The following KIDINS220 variants were observed in gnomAD, a reference collection of about 807,000 sequenced individuals.
The protein encoded by KIDINS220 is kinase D-interacting substrate of 220 kDa.
In KIDINS220, 63 loss-of-function variants were observed where a neutral mutation model predicts 157.6. The ratio of observed to expected loss-of-function variants is 0.40; its 90% CI spans 0.33 to 0.49. KIDINS220 has a LOEUF of 0.49. Ranked by LOEUF, KIDINS220 falls within the 20% of genes least tolerant of loss-of-function variation. The pLI is 0.66. For missense variants in KIDINS220, 1,772 were observed against 2,171.2 expected (o/e 0.82, Z 3.65); for synonymous variants, 732 against 783.6 (o/e 0.93, Z 1.10).
chr2:8,744,388 A>ATATATCTATATATCT (rs1558328231), intron 26 of KIDINS220, among the ~76,000 whole-genome samples: 6 of 26,160 alleles, frequency 2.3e-4, no homozygotes, highest in Admixed American at 7.3e-4. Flanking sequence ...AAAAAAAAAA[A>ATATATCTATATATCT]ATATATATAT....
intron 25 of KIDINS220, 87 bp from the exon 26 acceptor site, chr2:8,747,288 T>A: frequency 9.1e-7 from 1 of 1,103,726 alleles, no homozygotes; most frequent in South Asian, 1.2e-5. Context: ...GGTAAAATAA[T>A]ATACAACACT....
intron 4 of KIDINS220, among the ~76,000 whole-genome samples, chr2:8,813,724 C>A (rs1448748994): frequency 6.6e-6 from 1 of 152,094 alleles, no homozygotes; most frequent in Non-Finnish European, 1.5e-5. Context: ...GAGTTCGAGA[C>A]CAGCCTGGCC....
intron 4 of KIDINS220, among the ~76,000 whole-genome samples, chr2:8,815,783 T>G (rs1677002261): frequency 6.6e-6 from 1 of 152,188 alleles, no homozygotes; most frequent in African/African-American, 2.4e-5. Flanking sequence ...TGAGACCAAT[T>G]AACTATAGTG....
At chr2:8,745,874 CA>C (rs1666481701) in intron 26 of KIDINS220, among the ~76,000 whole-genome samples, 1 of 152,102 alleles carries the variant, frequency 6.6e-6, no homozygotes, top group Non-Finnish European at 1.5e-5. Context: ...AATATTTCAC[CA>C]TGTTAATTCT....
intron 21 of KIDINS220, among the ~76,000 whole-genome samples, chr2:8,772,439 G>A (rs553565084): frequency 3.3e-5 from 5 of 151,710 alleles, no homozygotes; most frequent in African/African-American, 7.3e-5. Flanking sequence ...TCACACCACC[G>A]CACTCCAGCC....
At chr2:8,800,822 C>T (rs1050522618) in intron 8 of KIDINS220, among the ~76,000 whole-genome samples, 1 of 152,096 alleles carries the variant, frequency 6.6e-6, no homozygotes, top group Non-Finnish European at 1.5e-5. Context: ...AATACAATGA[C>T]GTTGTGGCTG....
intron 17 of KIDINS220, among the ~76,000 whole-genome samples, chr2:8,781,859 T>C (rs762784671): frequency 6.6e-6 from 1 of 152,182 alleles, no homozygotes; most frequent in Non-Finnish European, 1.5e-5. Context: ...CAGTGGCTCA[T>C]GCCTATAATC....
chr2:8,776,859 T>C lies in KIDINS220; in HGVS notation c.2737A>G (p.Ile913Val), dbSNP rs868178335. ...AGATCAAAGGACATCTGGCGAGTGA[T>C]GGTCCTCTGCATCTGCCTTCTTCGG... ...TYRRRQMQRTITRQMSFDLTK... is the reference protein window; with the variant it reads ...TYRRRQMQRTVTRQMSFDLTK... Residue 913 changes from isoleucine (I) to valine (V), a missense_variant, in exon 21 of 30, where the codon ATC (isoleucine) becomes GTC (valine). Transcript: ENST00000256707. 6.8e-6 allele frequency: 11 copies of C among 1,614,072 alleles called. No individual in the cohort carries two copies. Among genetic ancestry groups the C allele is most frequent in the Admixed American group, 5.0e-5 (3 of 60,004 alleles).
In KIDINS220 at chr2:8,751,663, T is replaced by C. The variant is rs1022778235; in HGVS notation, c.3012-19A>G. The C allele has an allele frequency of 2.0e-6, 3 of 1,527,978 alleles. No individual in the cohort carries two copies. The highest frequency in any genetic ancestry group is 1.4e-5 in the African/African-American group (1 of 71,906). The allele number at this position is 1,527,978 out of a possible 1,614,324, so 94.7% of individuals were successfully genotyped here. On this transcript the variant is annotated intron_variant, in intron 22 of 29. Transcript: ENST00000256707. ...TGATATTCTTCAAATAAGAAATCAATGAAAAAGGTTATTAATGTCACTATT... is the reference window on the plus strand; with the variant it reads ...TGATATTCTTCAAATAAGAAATCAACGAAAAAGGTTATTAATGTCACTATT...
At chr2:8,783,444 T>C (rs553374220) in intron 17 of KIDINS220, among the ~76,000 whole-genome samples, 6 of 152,196 alleles carry the variant, frequency 3.9e-5, no homozygotes, top group African/African-American at 1.4e-4. Context: ...ACCACTCCTT[T>C]TCAACATAGT....
In KIDINS220 at chr2:8,815,906, C is replaced by T. The variant is rs58699121; in HGVS notation, c.306+1712G>A. On this transcript the variant is annotated intron_variant, in intron 4 of 29. Coordinates refer to ENST00000256707, the MANE Select transcript of KIDINS220 (RefSeq NM_020738.4). ...ATCCTGGAATTCTTCCTGAGCCCCA[C>T]AGGATCTCAGTGGTCACTCTCCTCT... Among the ~76,000 whole-genome samples, 88 of 152,272 alleles carry T rather than the reference C, an allele frequency of 5.8e-4. 1 individual carries two copies. The highest frequency in any genetic ancestry group is 2.0e-3 in the African/African-American group (83 of 41,566).
At chr2:8,817,592 T>C (rs1677254639) in intron 4 of KIDINS220, 26 bp downstream of exon 4, 1 of 1,289,912 alleles carries the variant, frequency 7.8e-7, no homozygotes, top group Non-Finnish European at 1.1e-6. Context: ...TTTCAGCTAA[T>C]TAAGAACATA....
intron 29 of KIDINS220, 21 bp from the exon 30 acceptor site, chr2:8,732,003 T>C: frequency 6.6e-7 from 1 of 1,526,134 alleles, no homozygotes. Context: ...AGAAAAAAAA[T>C]AATTTAAAAA....
chr2:8,782,777 C>A (rs556896799), intron 17 of KIDINS220, among the ~76,000 whole-genome samples: 9 of 152,270 alleles, frequency 5.9e-5, no homozygotes, highest in African/African-American at 1.9e-4. Flanking sequence ...AAAACCTCAA[C>A]AAAATATTAG....
chr2:8,800,853 T>C (rs979021261), intron 8 of KIDINS220, among the ~76,000 whole-genome samples: 29 of 152,300 alleles, frequency 1.9e-4, no homozygotes, highest in African/African-American at 7.0e-4. Context: ...AAATGAACAT[T>C]TTAAAATCAT....
At chr2:8,740,641 T>C (rs1322773842) in intron 26 of KIDINS220, among the ~76,000 whole-genome samples, 1 of 152,210 alleles carries the variant, frequency 6.6e-6, no homozygotes, top group East Asian at 1.9e-4. Flanking sequence ...AAATACACTT[T>C]CAAATTTGAG....
chr2:8,747,069 T>C (rs1666683455), intron 26 of KIDINS220, 76 bp downstream of exon 26: 1 of 1,339,194 alleles, frequency 7.5e-7, no homozygotes, highest in Non-Finnish European at 1.1e-6. Context: ...GCTGCTATCA[T>C]CACAATTAAG....
intron 7 of KIDINS220, among the ~76,000 whole-genome samples, chr2:8,803,726 C>A (rs573494958): frequency 2.5e-4 from 38 of 152,062 alleles, no homozygotes; most frequent in Non-Finnish European, 4.9e-4. Flanking sequence ...AACAATAAAT[C>A]AGGCCAGGTA....
In KIDINS220 at chr2:8,762,596, G is replaced by A. The variant is rs188492334; in HGVS notation, c.3011+8074C>T. On this transcript the variant is annotated intron_variant, in intron 22 of 29. Coordinates refer to ENST00000256707, the MANE Select transcript of KIDINS220 (RefSeq NM_020738.4). ...ATTAAAAATACAAAAAAAATTAGCC[G>A]GGCATGGTGGTGGGCGCCTGTAGTC... Among the ~76,000 whole-genome samples, 85 of 152,070 alleles carry A rather than the reference G, an allele frequency of 5.6e-4. No homozygotes were observed. In the East Asian group the frequency reaches 0.012, roughly 22 times the overall value.
Sources: gnomAD v4.1 joint callset for allele counts (sites outside exome capture counted in the v4.1 genomes callset) on GRCh38, gnomAD v4.1.1 for gene constraint, MANE v1.5 for transcripts, NCBI Gene and HGNC (gene_info 2026-07-23, HGNC 2026-07-21) for gene names.